The following INTS10 variants were observed in gnomAD, a reference collection of about 807,000 sequenced individuals.
INTS10 encodes the protein chromosome 8 open reading frame 35.
In INTS10, 44 loss-of-function variants were observed where a neutral mutation model predicts 94.4. The observed-to-expected ratio is 0.47, with a 90% CI of 0.37 to 0.60. The LOEUF (loss-of-function observed/expected upper bound fraction) is 0.60. Ranked by LOEUF, INTS10 falls within the 20% of genes least tolerant of loss-of-function variation. The pLI is 0.00. For synonymous variants in INTS10, 341 were observed against 320.7 expected, an observed-to-expected ratio of 1.06 and a Z score of -0.68; for missense variants, 797 against 868.7, an observed-to-expected ratio of 0.92 and a Z score of 1.04.
intron 2 of INTS10, 62 bp downstream of exon 2, chr8:19,818,404 C>G: frequency 6.5e-7 from 1 of 1,537,708 alleles, no homozygotes; most frequent in South Asian, 1.1e-5. Context: ...TTTTGTTTCT[C>G]TCTGCAGAAG....
rs759147337 is a variant in INTS10, at chr8:19,826,565, G to C, written c.1140+6G>C. On this transcript the variant is annotated splice_donor_region_variant and intron_variant, in intron 9 of 16. Transcript: ENST00000397977. ...AAGGAAGAGAAAAAACCATGGTAAG[G>C]CTTTCAAATATACTTATTAACAGAT... The C allele has an allele frequency of 2.7e-5, 44 of 1,609,018 alleles. No homozygotes were observed. In the South Asian group the frequency reaches 4.8e-4, roughly 17 times the overall value.
chr8:19,825,018 T>A, intron 8 of INTS10, 46 bp downstream of exon 8: 1 of 1,500,936 alleles, frequency 6.7e-7, no homozygotes, highest in Non-Finnish European at 9.3e-7. Flanking sequence ...GTTCATACTG[T>A]GGGGATGGTA....
At position 19,846,796 on chromosome 8, in the gene INTS10, A is replaced by G. The variant is rs1318160446; in HGVS notation, c.1976+999A>G. On this transcript the variant is annotated intron_variant, in intron 16 of 16. Coordinates refer to ENST00000397977, the MANE Select transcript of INTS10 (RefSeq NM_018142.4). This position sits in a 1 kb window ranked among gnomAD's most constrained non-coding sequence, Gnocchi z 4.2. Reference sequence around the variant, plus strand: ...CTTCAATCCTCATTGTAGTTTGGGTAATATATCCTCTCTGCTGTAAATGCC... The same window carrying G: ...CTTCAATCCTCATTGTAGTTTGGGTGATATATCCTCTCTGCTGTAAATGCC... 6.6e-6 allele frequency among the ~76,000 whole-genome samples: 1 copy of G among 152,174 alleles called. No homozygotes were observed. Among genetic ancestry groups the G allele is most frequent in the Non-Finnish European group, 1.5e-5 (1 of 68,030 alleles).
intron 13 of INTS10, among the ~76,000 whole-genome samples, chr8:19,842,405 A>G (rs1283336502): frequency 6.6e-6 from 1 of 152,248 alleles, no homozygotes; most frequent in African/African-American, 2.4e-5. Context: ...AGGAATGACA[A>G]CCACTGCCTT....
chr8:19,823,202 T>C, intron 5 of INTS10, 99 bp from the exon 6 acceptor site: 1 of 880,672 alleles, frequency 1.1e-6, no homozygotes, highest in East Asian at 2.5e-5. Context: ...CTATATATTT[T>C]AGATACTACA....
intron 9 of INTS10, among the ~76,000 whole-genome samples, chr8:19,828,656 T>C (rs996949289): frequency 1.3e-5 from 2 of 152,086 alleles, no homozygotes; most frequent in Non-Finnish European, 2.9e-5. Context: ...GTGTATGATA[T>C]TAGGTTGCCG....
rs902233357 is a variant in INTS10, at chr8:19,850,664, G to A, written c.1977-985G>A. 3.9e-5 allele frequency among the ~76,000 whole-genome samples: 6 copies of A among 152,256 alleles called. No homozygotes were observed. The South Asian group carries it at 1.2e-3, about 32-fold the overall frequency. On this transcript the variant is annotated intron_variant, in intron 16 of 16. Coordinates refer to ENST00000397977, the MANE Select transcript of INTS10 (RefSeq NM_018142.4). ...TCAATCCTTATAACTTTGTGTGAGG[G>A]AAATTAGGCATCAGGGTGGGAAACA...
chr8:19,818,960 G>A (rs2066155052), intron 2 of INTS10: 1 of 152,250 alleles, frequency 6.6e-6, no homozygotes, highest in African/African-American at 2.4e-5. Flanking sequence ...GTCATATTTT[G>A]GTGTTTTTCT....
At chr8:19,839,081 A>C (rs1396759685) in intron 13 of INTS10, among the ~76,000 whole-genome samples, 1 of 151,926 alleles carries the variant, frequency 6.6e-6, no homozygotes, top group East Asian at 1.9e-4. Flanking sequence ...CAAAAAAAAA[A>C]CCAAACAAAC....
chr8:19,830,324 C>T, intron 9 of INTS10, 82 bp from the exon 10 acceptor site: 4 of 1,242,332 alleles, frequency 3.2e-6, no homozygotes, highest in African/African-American at 1.5e-5. Context: ...ATATCACGGG[C>T]CAAACTGGCA....
At chr8:19,844,534 G>A (rs756913821) in intron 15 of INTS10, among the ~76,000 whole-genome samples, 1 of 152,202 alleles carries the variant, frequency 6.6e-6, no homozygotes, top group Non-Finnish European at 1.5e-5. Context: ...GATAGGTCCA[G>A]CTTGCCCGGT....
chr8:19,842,466 A>G (rs1477781458), intron 13 of INTS10, among the ~76,000 whole-genome samples: 1 of 152,238 alleles, frequency 6.6e-6, no homozygotes, highest in African/African-American at 2.4e-5. Context: ...AGAGAAGGAT[A>G]CACAATAGGC....
intron 14 of INTS10, 70 bp downstream of exon 14, chr8:19,842,997 G>T (rs2068259398): frequency 9.2e-7 from 1 of 1,083,594 alleles, no homozygotes; most frequent in Non-Finnish European, 1.4e-6. Flanking sequence ...TCGAGAACTT[G>T]AGAACCTTGC....
intron 13 of INTS10, among the ~76,000 whole-genome samples, chr8:19,841,593 A>G (rs1185147717): frequency 6.6e-6 from 1 of 152,214 alleles, no homozygotes; most frequent in Non-Finnish European, 1.5e-5. Flanking sequence ...TGGGCAATTC[A>G]GAATAAAACA....
At chr8:19,822,581 G>A (rs572015416) in intron 5 of INTS10, 61 bp downstream of exon 5, 2 of 1,039,724 alleles carry the variant, frequency 1.9e-6, no homozygotes, top group African/African-American at 3.2e-5. Flanking sequence ...GGTAAGTGTT[G>A]GTTCAGGGAT....
rs187735929 is a variant in INTS10 at position 19,842,951 on chromosome 8, G to A, written c.1719+24G>A. 1.4e-4 allele frequency: 198 copies of A among 1,405,596 alleles called. No homozygotes were observed. The African/African-American group carries it at 2.5e-3, about 18-fold the overall frequency. The allele number at this position is 1,405,596 out of a possible 1,614,324, so 87.1% of individuals were successfully genotyped here. A position where few individuals can be genotyped will look rare whatever the true frequency, so the allele number is the denominator to read the frequency against. On this transcript the variant is annotated intron_variant, in intron 14 of 16. Coordinates refer to ENST00000397977, the MANE Select transcript of INTS10 (RefSeq NM_018142.4). The stretch of plus-strand genomic sequence containing the variant: ...AGGTAAGCTTAAAGTTGATTAGCTT[G>A]AAAAAAAATGTAATTTCAAATATTA...
intron 4 of INTS10, chr8:19,821,426 G>C (rs906229895): frequency 2.0e-5 from 3 of 152,124 alleles, no homozygotes; most frequent in Non-Finnish European, 4.4e-5. Flanking sequence ...TCTTTCTTTT[G>C]TGCCTTTGTC....
At chr8:19,824,422 G>A (rs3927029) in intron 7 of INTS10, 134,431 of 188,906 alleles carry the variant, frequency 0.71, 48,139 homozygotes, top group Non-Finnish European at 0.74. Context: ...AACCCAGGAC[G>A]TGGAGGCTAC....
intron 13 of INTS10, among the ~76,000 whole-genome samples, chr8:19,837,918 T>C (rs1299060580): frequency 6.6e-6 from 1 of 151,872 alleles, no homozygotes; most frequent in East Asian, 1.9e-4. Flanking sequence ...AAAGGGAGTG[T>C]CACTACAAAT....
Sources: gnomAD v4.1 joint callset for allele counts (sites outside exome capture counted in the v4.1 genomes callset) on GRCh38, gnomAD v4.1.1 for gene constraint, Gnocchi (gnomAD v3.1) non-coding constraint, MANE v1.5 for transcripts, NCBI Gene and HGNC (gene_info 2026-07-23, HGNC 2026-07-21) for gene names.